CPED1: variants seen among roughly 807,000 people sequenced by gnomAD.
CPED1 encodes the protein cadherin like and PC-esterase domain containing 1.
In CPED1, 114 loss-of-function variants were observed where a neutral mutation model predicts 128.2. The ratio of observed to expected loss-of-function variants is 0.89; its 90% CI spans 0.76 to 1.04. CPED1 has a LOEUF of 1.04. CPED1 is among the 50% of genes least tolerant of loss of function. The pLI is 0.00. For synonymous variants in CPED1, 462 were observed against 426.7 expected, an observed-to-expected ratio of 1.08 and a Z score of -1.02; for missense variants, 1,211 against 1,207.1, an observed-to-expected ratio of 1.00 and a Z score of -0.05.
In CPED1 at chr7:121,141,988, T is replaced by C; in HGVS notation, c.1902T>C (p.Pro634=). The change falls in exon 16 of 23, where the codon CCT becomes CCC. Residue 634 remains proline (P), a synonymous_variant. Transcript: ENST00000310396. Reference sequence around the variant, plus strand: ...TTCTCTCCAGCTTTGCCAGCTACCCTCTGGGCTTAGGAATGAACAAAATCT... The same window carrying C: ...TTCTCTCCAGCTTTGCCAGCTACCCCCTGGGCTTAGGAATGAACAAAATCT... ...EQAGPSFASY[P]LGLGMNKISI... is the part of the protein sequence containing the mutation. 6.2e-7 allele frequency: 1 copy of C among 1,612,348 alleles called. No homozygotes were observed. The highest frequency in any genetic ancestry group is 8.5e-7 in the Non-Finnish European group (1 of 1,178,796).
chr7:121,185,171 G>T (rs1796975630), intron 16 of CPED1, among the ~76,000 whole-genome samples: 1 of 152,134 alleles, frequency 6.6e-6, no homozygotes, highest in African/African-American at 2.4e-5. Flanking sequence ...AATAGCATCA[G>T]TTCTGTGTGT....
intron 5 of CPED1, among the ~76,000 whole-genome samples, chr7:121,075,426 C>T (rs1312971974): frequency 1.3e-5 from 2 of 152,060 alleles, no homozygotes. Context: ...ACCTTTCTCT[C>T]TACAGTGCCA....
chr7:121,232,135 G>A (rs867994725), intron 16 of CPED1, among the ~76,000 whole-genome samples: 1 of 152,228 alleles, frequency 6.6e-6, no homozygotes, highest in East Asian at 1.9e-4. Flanking sequence ...GACTACGCAG[G>A]CAGCCTTCCC....
rs1405949102 is a variant in CPED1, at chr7:121,100,041, C to A, written c.865C>A (p.His289Asn). Reference sequence around the variant, plus strand: ...CTTAACCCCTTTGCGTGCATTCATTCATTCGACGGGCACAGTTTGGAATCC... The same window carrying A: ...CTTAACCCCTTTGCGTGCATTCATTAATTCGACGGGCACAGTTTGGAATCC... Reference protein sequence around the residue: ...TSLTPLRAFIHSTGTVWNPPK... With the variant: ...TSLTPLRAFINSTGTVWNPPK... The change falls in exon 7 of 23, where the codon CAT becomes AAT. Residue 289 changes from histidine (H) to asparagine (N), a missense_variant. His to Asn is a moderately conservative substitution (Grantham distance 68). Transcript: ENST00000310396. 3 of 1,613,544 alleles carry A rather than the reference C, an allele frequency of 1.9e-6. No individual in the cohort carries two copies. The highest frequency in any genetic ancestry group is 3.3e-5 in the Admixed American group (2 of 59,918).
chr7:121,244,244 C>T lies in CPED1; in HGVS notation c.2216C>T (p.Thr739Met), dbSNP rs145897714. Residue 739 changes from threonine (T) to methionine (M), a missense_variant, in exon 18 of 23, where the codon ACG becomes ATG. Physicochemically the swap from Thr to Met is moderately conservative, Grantham distance 81. Coordinates refer to ENST00000310396, the MANE Select transcript of CPED1 (RefSeq NM_024913.5). ...VPCLSCSDNR[T>M]CDWREITWQP... The stretch of plus-strand genomic sequence containing the variant: ...TGCCTTAGTTGTTCGGACAACAGGA[C>T]GTGTGACTGGAGAGAAATAACCTGG... 109 of 1,614,072 alleles carry T rather than the reference C, an allele frequency of 6.8e-5. No individual in the cohort carries two copies. Among genetic ancestry groups the T allele is most frequent in the Non-Finnish European group, 4.3e-5 (51 of 1,179,968 alleles).
In CPED1 at chr7:121,174,319, T is replaced by C. The variant is rs144792117; in HGVS notation, c.2055+32178T>C. On this transcript the variant is annotated intron_variant, in intron 16 of 22. Transcript: ENST00000310396. ...CTCATTCCTATGCCTAGAATGGTAT[T>C]GCTTAGTTTGTCTTCCAGCGTTATA... Among the ~76,000 whole-genome samples, 453 of 152,296 alleles carry C rather than the reference T, an allele frequency of 3.0e-3. 2 individuals carry two copies. Among genetic ancestry groups the C allele is most frequent in the African/African-American group, 0.01 (433 of 41,562 alleles).
chr7:121,256,538 A>G (rs1025439166), intron 18 of CPED1, among the ~76,000 whole-genome samples: 1 of 152,208 alleles, frequency 6.6e-6, no homozygotes, highest in East Asian at 1.9e-4. Flanking sequence ...ATTACTGAAA[A>G]GTCAAAAAAC....
intron 16 of CPED1, among the ~76,000 whole-genome samples, chr7:121,153,331 A>G (rs1796202594): frequency 6.6e-6 from 1 of 152,212 alleles, no homozygotes; most frequent in African/African-American, 2.4e-5. Context: ...CAAAACTGCT[A>G]AACTCTTCCT....
intron 2 of CPED1, among the ~76,000 whole-genome samples, chr7:120,997,933 AAAATAAAATAAAATAAAATAAAAT>A (rs1796436218): frequency 5.1e-4 from 3 of 5,848 alleles, no homozygotes; most frequent in African/African-American, 1.5e-3. Context: ...GAAAAAAAAT[AAAATAAAATAAAATAAAATAAAAT>A]AAAATAAAAT....
intron 2 of CPED1, among the ~76,000 whole-genome samples, chr7:121,013,797 T>A (rs1055536509): frequency 2.6e-4 from 39 of 152,232 alleles, no homozygotes; most frequent in Non-Finnish European, 1.0e-4. Context: ...ATGGTTCCTG[T>A]CCTCAAAGGA....
At chr7:121,132,340 G>A (rs189350431) in intron 12 of CPED1, among the ~76,000 whole-genome samples, 19 of 152,086 alleles carry the variant, frequency 1.2e-4, no homozygotes, top group Admixed American at 8.5e-4. Flanking sequence ...AGTACATCAC[G>A]CAGACAGGGA....
At chr7:121,171,368 A>G (rs541350879) in intron 16 of CPED1, among the ~76,000 whole-genome samples, 1 of 152,334 alleles carries the variant, frequency 6.6e-6, no homozygotes, top group African/African-American at 2.4e-5. Flanking sequence ...GTCTAGAGTT[A>G]GAGGAATCCA....
intron 16 of CPED1, among the ~76,000 whole-genome samples, chr7:121,187,054 C>T (rs1245389806): frequency 6.6e-6 from 1 of 152,126 alleles, no homozygotes; most frequent in Non-Finnish European, 1.5e-5. Flanking sequence ...ACAGTGGGTA[C>T]CCACAAGAAT....
chr7:121,113,885 G>T (rs1165864902), intron 7 of CPED1, among the ~76,000 whole-genome samples: 3 of 151,980 alleles, frequency 2.0e-5, no homozygotes, highest in Non-Finnish European at 4.4e-5. Flanking sequence ...CTTGAGTGCA[G>T]TTGCACGATC....
At chr7:121,064,339 CTTAAA>C (rs765673036) in intron 5 of CPED1, 26 bp downstream of exon 5, 1 of 1,529,294 alleles carries the variant, frequency 6.5e-7, no homozygotes, top group Admixed American at 1.7e-5. Context: ...CTTCCTTAGG[CTTAAA>C]CATGTGAGAT....
At chr7:120,996,591 A>C (rs1018137230) in intron 2 of CPED1, among the ~76,000 whole-genome samples, 3 of 152,036 alleles carry the variant, frequency 2.0e-5, no homozygotes, top group Non-Finnish European at 2.9e-5. Flanking sequence ...TCTAACTTCT[A>C]ATTTCTCTCT....
intron 5 of CPED1, among the ~76,000 whole-genome samples, chr7:121,079,498 A>G (rs562670362): frequency 1.4e-4 from 21 of 152,270 alleles, no homozygotes; most frequent in African/African-American, 4.8e-4. Context: ...CTGCTGGTCT[A>G]TATGTAGAAT....
intron 16 of CPED1, among the ~76,000 whole-genome samples, chr7:121,167,478 C>T (rs76152845): frequency 3.9e-5 from 6 of 152,134 alleles, no homozygotes; most frequent in African/African-American, 1.4e-4. Context: ...AATTTATAAG[C>T]ATCGTATTCT....
At chr7:121,256,007 T>C (rs1489327358) in intron 18 of CPED1, among the ~76,000 whole-genome samples, 1 of 150,930 alleles carries the variant, frequency 6.6e-6, no homozygotes, top group Non-Finnish European at 1.5e-5. Flanking sequence ...GATTCAATGC[T>C]CTTCCTATCA....
Sources: allele counts gnomAD v4.1 joint callset (sites outside exome capture counted in the v4.1 genomes callset), GRCh38; gene constraint gnomAD v4.1.1; transcripts MANE v1.5; gene names NCBI Gene and HGNC (gene_info 2026-07-23, HGNC 2026-07-21).